The following ST8SIA5 variants were observed in gnomAD, a reference collection of about 807,000 sequenced individuals.
ST8SIA5 encodes alpha-2,8-sialyltransferase 8E.
A neutral mutation model predicts 40.2 loss-of-function variants in ST8SIA5; 24 were observed. The ratio of observed to expected loss-of-function variants is 0.60; its 90% CI spans 0.43 to 0.84. The LOEUF is 0.84. Among genes scored for constraint, ST8SIA5 ranks in the 40% least tolerant of loss-of-function variants. The pLI is 0.00. For synonymous variants in ST8SIA5, 198 were observed against 201.8 expected, an observed-to-expected ratio of 0.98 and a Z score of 0.16; for missense variants, 465 against 498.5, an observed-to-expected ratio of 0.93 and a Z score of 0.64.
intron 1 of ST8SIA5, among the ~76,000 whole-genome samples, chr18:46,732,413 A>T (rs1159852444): frequency 6.6e-6 from 1 of 152,204 alleles, no homozygotes; most frequent in Non-Finnish European, 1.5e-5. Flanking sequence ...CACCCAGCAC[A>T]CATTGGGGTC....
At chr18:46,725,847 A>C (rs2039912535) in intron 1 of ST8SIA5, among the ~76,000 whole-genome samples, 1 of 150,626 alleles carries the variant, frequency 6.6e-6, no homozygotes, top group East Asian at 1.9e-4. Context: ...ATGGCTGGGC[A>C]CAGTGGCTCA....
intron 1 of ST8SIA5, among the ~76,000 whole-genome samples, chr18:46,739,744 C>T (rs1056176670): frequency 2.0e-5 from 3 of 152,222 alleles, no homozygotes; most frequent in Non-Finnish European, 2.9e-5. Context: ...AAGGACTTCT[C>T]CCCACCTGTT....
chr18:46,710,404 TTTCTTTCTTTC>T (rs1164282004), intron 1 of ST8SIA5, among the ~76,000 whole-genome samples: 17 of 133,752 alleles, frequency 1.3e-4, no homozygotes, highest in Non-Finnish European at 1.9e-4. Context: ...TCTTTCTTTC[TTTCTTTCTTTC>T]TTTTTCTTTC....
chr18:46,719,946 C>T (rs2039844571), intron 1 of ST8SIA5, among the ~76,000 whole-genome samples: 1 of 151,846 alleles, frequency 6.6e-6, no homozygotes, highest in African/African-American at 2.4e-5. Flanking sequence ...TCAAGCTATT[C>T]TCCCGTCTCA....
rs1331760692 is a variant in ST8SIA5, at chr18:46,678,400, T to A, written c.*1642A>T. 6.6e-6 allele frequency: 1 copy of A among 152,338 alleles called. No individual in the cohort carries two copies. Among genetic ancestry groups the A allele is most frequent in the East Asian group, 1.9e-4 (1 of 5,196 alleles). 9.4% of individuals were successfully genotyped at this position (152,338 alleles called of 1,614,324 possible). On this transcript the variant is annotated 3_prime_UTR_variant, in exon 7 of 7. Coordinates refer to ENST00000315087, the MANE Select transcript of ST8SIA5 (RefSeq NM_013305.6). ...GAGGCCTGGGATAAAGCCTGCACTC[T>A]CCACGTCCCTGACTGGCTCAGCCGG...
intron 2 of ST8SIA5, among the ~76,000 whole-genome samples, chr18:46,694,178 C>T (rs934110655): frequency 5.3e-5 from 8 of 152,168 alleles, no homozygotes; most frequent in African/African-American, 1.7e-4. Context: ...TACAATTGGG[C>T]GAGCCCTTCC....
intron 1 of ST8SIA5, among the ~76,000 whole-genome samples, chr18:46,737,572 G>A (rs1318672878): frequency 6.6e-6 from 1 of 152,152 alleles, no homozygotes; most frequent in East Asian, 1.9e-4. Flanking sequence ...TGAGAACTTA[G>A]AGATGAATAA....
intron 2 of ST8SIA5, among the ~76,000 whole-genome samples, chr18:46,699,098 A>C (rs2039585411): frequency 6.6e-6 from 1 of 152,226 alleles, no homozygotes; most frequent in Non-Finnish European, 1.5e-5. Context: ...TAGAATACAA[A>C]TGTTATCGGC....
intron 1 of ST8SIA5, among the ~76,000 whole-genome samples, chr18:46,719,193 C>T (rs1406593106): frequency 5.9e-5 from 9 of 152,200 alleles, no homozygotes; most frequent in Non-Finnish European, 1.3e-4. Flanking sequence ...AGGAAGTCAA[C>T]TCAGCTGCTA....
chr18:46,707,272 C>T (rs1313997016), intron 1 of ST8SIA5, among the ~76,000 whole-genome samples: 2 of 152,112 alleles, frequency 1.3e-5, no homozygotes, highest in African/African-American at 2.4e-5. Flanking sequence ...ATCATTAGGT[C>T]GAGACTTATC....
chr18:46,679,229 T>C lies in ST8SIA5; in HGVS notation c.*813A>G, dbSNP rs1389332915. 4 of 152,242 alleles carry C rather than the reference T, an allele frequency of 2.6e-5. No homozygotes were observed. Among genetic ancestry groups the C allele is most frequent in the African/African-American group, 9.6e-5 (4 of 41,460 alleles). The allele number at this position is 152,242 out of a possible 1,614,324, so 9.4% of individuals were successfully genotyped here. On this transcript the variant is annotated 3_prime_UTR_variant, in exon 7 of 7. Coordinates refer to ENST00000315087, the MANE Select transcript of ST8SIA5 (RefSeq NM_013305.6). ...CACTTATTGAGTCAATAACATTGGC[T>C]TGGAAGCCATAGTGCAAGTGGCTGG...
intron 5 of ST8SIA5, among the ~76,000 whole-genome samples, chr18:46,683,651 C>A (rs190200195): frequency 1.4e-4 from 22 of 151,926 alleles, no homozygotes; most frequent in Admixed American, 6.6e-4. Context: ...ATAACAGGAC[C>A]AGGACTGTCA....
Position 46,726,064 on chromosome 18 carries a change from C to G in ST8SIA5, c.132-21400G>C, listed in dbSNP as rs1243479365. Among the ~76,000 whole-genome samples, 3 of 116,472 alleles carry G rather than the reference C, an allele frequency of 2.6e-5. No individual in the cohort carries two copies. In the South Asian group the frequency reaches 8.1e-4, roughly 32 times the overall value. The allele number at this position is 116,472 out of a possible 152,430, so 76.4% of individuals were successfully genotyped here. The stretch of plus-strand genomic sequence containing the variant: ...ATATATATATCCAGGAATGGTGGTG[C>G]ACACCTGTAGTCCCAGCTACTTGGG... On this transcript the variant is annotated intron_variant, in intron 1 of 6. Coordinates refer to ENST00000315087, the MANE Select transcript of ST8SIA5 (RefSeq NM_013305.6).
chr18:46,732,204 T>G (rs1299355895), intron 1 of ST8SIA5, among the ~76,000 whole-genome samples: 1 of 152,194 alleles, frequency 6.6e-6, no homozygotes, highest in Non-Finnish European at 1.5e-5. Context: ...TTGCAGCATC[T>G]TGCTCCATCC....
intron 1 of ST8SIA5, among the ~76,000 whole-genome samples, chr18:46,725,407 T>A (rs4890338): frequency 0.2 from 30,074 of 152,090 alleles, 3,691 homozygotes; most frequent in East Asian, 0.45. Context: ...CCAGCCACAC[T>A]GTCATCCTCC....
In ST8SIA5 at chr18:46,667,890, A is replaced by G. The variant is rs924384052; in HGVS notation, c.*12152T>C. ...CGTTCAAACACAGTGACAGATACAA[A>G]GTACCCTGATGATGTTTTTAGGCAT... On this transcript the variant is annotated 3_prime_UTR_variant, in exon 7 of 7. Transcript: ENST00000315087. 3.3e-5 allele frequency: 5 copies of G among 152,218 alleles called. No individual in the cohort carries two copies. Among genetic ancestry groups the G allele is most frequent in the Non-Finnish European group, 7.3e-5 (5 of 68,036 alleles). 9.4% of individuals were successfully genotyped at this position (152,218 alleles called of 1,614,324 possible).
intron 1 of ST8SIA5, among the ~76,000 whole-genome samples, chr18:46,742,036 A>G (rs1380411536): frequency 6.6e-6 from 1 of 151,294 alleles, no homozygotes; most frequent in African/African-American, 2.4e-5. Context: ...CAGGAGGTGG[A>G]GGTTGCAGTG....
At chr18:46,713,211 GAGA>G (rs1389718237) in intron 1 of ST8SIA5, among the ~76,000 whole-genome samples, 3 of 152,212 alleles carry the variant, frequency 2.0e-5, no homozygotes, top group Admixed American at 1.3e-4. Flanking sequence ...AGAAAGTGGG[GAGA>G]AGGAGACAGA....
At chr18:46,727,668 A>G (rs1290973419) in intron 1 of ST8SIA5, among the ~76,000 whole-genome samples, 1 of 152,102 alleles carries the variant, frequency 6.6e-6, no homozygotes, top group Admixed American at 6.6e-5. Context: ...TCACCATTTC[A>G]CAGATGAGGA....
Sources: allele counts gnomAD v4.1 joint callset (sites outside exome capture counted in the v4.1 genomes callset), GRCh38; gene constraint gnomAD v4.1.1; transcripts MANE v1.5; gene names NCBI Gene and HGNC (gene_info 2026-07-23, HGNC 2026-07-21).